NLGN1: variants seen among roughly 807,000 people sequenced by gnomAD.
NLGN1 encodes neuroligin-1.
Under a neutral mutation model 65.5 loss-of-function variants are expected in NLGN1, and 12 were observed. The ratio of observed to expected loss-of-function variants is 0.18; its 90% CI spans 0.12 to 0.30. The LOEUF (loss-of-function observed/expected upper bound fraction) is 0.30. Among genes scored for constraint, NLGN1 ranks in the 10% least tolerant of loss-of-function variants. NLGN1 has a pLI of 1.00. For missense variants in NLGN1, 750 were observed against 1,007.1 expected, an observed-to-expected ratio of 0.74 and a Z score of 3.46; for synonymous variants, 350 against 359.5, an observed-to-expected ratio of 0.97 and a Z score of 0.30.
intron 4 of NLGN1, among the ~76,000 whole-genome samples, chr3:173,823,362 T>C (rs952290870): frequency 7.2e-5 from 11 of 152,220 alleles, no homozygotes; most frequent in East Asian, 3.9e-4. Context: ...TAGTTTTAAA[T>C]CTTTATTTCG....
chr3:173,487,171 G>C (rs910849737), intron 2 of NLGN1, among the ~76,000 whole-genome samples: 1 of 151,890 alleles, frequency 6.6e-6, no homozygotes, highest in Non-Finnish European at 1.5e-5. Context: ...ACTCCTCTAA[G>C]TACTGCTGTA....
At chr3:173,724,746 C>A (rs144196860) in intron 3 of NLGN1, among the ~76,000 whole-genome samples, 1 of 152,058 alleles carries the variant, frequency 6.6e-6, no homozygotes, top group Admixed American at 6.5e-5. Flanking sequence ...ATGTTTATTG[C>A]GGCACTATTC....
chr3:174,042,781 T>A (rs1732645057), intron 4 of NLGN1, among the ~76,000 whole-genome samples: 1 of 152,196 alleles, frequency 6.6e-6, no homozygotes, highest in African/African-American at 2.4e-5. Context: ...AGTGGTAGAA[T>A]GTGTCAAAGC....
chr3:173,907,107 A>C (rs114505555), intron 4 of NLGN1, among the ~76,000 whole-genome samples: 1,846 of 152,242 alleles, frequency 0.012, 56 homozygotes, highest in African/African-American at 0.042. Flanking sequence ...GTGACATGAA[A>C]TATCCACATC....
intron 3 of NLGN1, among the ~76,000 whole-genome samples, chr3:173,781,001 A>G (rs1304991643): frequency 6.6e-5 from 10 of 151,734 alleles, no homozygotes; most frequent in Non-Finnish European, 1.0e-4. Context: ...AAAATTAGCC[A>G]GGCGTGGTGG....
At chr3:173,604,638 A>G in exon 3 of NLGN1, 1 of 1,613,612 alleles carries the variant, frequency 6.2e-7, no homozygotes, top group Non-Finnish European at 8.5e-7. Context: ...TTATGTTTGG[A>G]GAGCAGTGAT....
At chr3:173,812,779 G>A (rs981953640) in intron 4 of NLGN1, among the ~76,000 whole-genome samples, 1 of 145,752 alleles carries the variant, frequency 6.9e-6, no homozygotes, top group Non-Finnish European at 1.5e-5. Flanking sequence ...ATATGTGTGT[G>A]TATATATATA....
chr3:173,793,342 G>T (rs918539042), intron 3 of NLGN1, among the ~76,000 whole-genome samples: 3 of 152,000 alleles, frequency 2.0e-5, no homozygotes, highest in Non-Finnish European at 4.4e-5. Context: ...AGCAAAGGAA[G>T]GAAGAGGGAA....
chr3:174,085,657 G>A (rs1282820764), intron 4 of NLGN1, among the ~76,000 whole-genome samples: 1 of 151,816 alleles, frequency 6.6e-6, no homozygotes, highest in Non-Finnish European at 1.5e-5. Flanking sequence ...AGTAAGAAAG[G>A]CTACCCTTAG....
chr3:174,054,762 G>T (rs1172198316), intron 4 of NLGN1, among the ~76,000 whole-genome samples: 3 of 151,990 alleles, frequency 2.0e-5, no homozygotes, highest in Non-Finnish European at 4.4e-5. Flanking sequence ...TTGTAACAGT[G>T]TCCACTTTCC....
intron 4 of NLGN1, among the ~76,000 whole-genome samples, chr3:174,246,054 T>A (rs550765135): frequency 1.3e-5 from 2 of 152,312 alleles, no homozygotes; most frequent in Admixed American, 1.3e-4. Context: ...TCATTCAATA[T>A]AATTTAGCAT....
At chr3:173,921,405 A>G (rs1445941445) in intron 4 of NLGN1, among the ~76,000 whole-genome samples, 1 of 150,924 alleles carries the variant, frequency 6.6e-6, no homozygotes, top group Non-Finnish European at 1.5e-5. Context: ...TTCAGTTCAT[A>G]CAAGGAATGC....
At chr3:173,782,661 G>A (rs1781349365) in intron 3 of NLGN1, among the ~76,000 whole-genome samples, 2 of 151,266 alleles carry the variant, frequency 1.3e-5, no homozygotes, top group Admixed American at 1.3e-4. Context: ...TGTGTGGCCA[G>A]GCAAATTTTA....
At chr3:173,961,668 G>A (rs1713596571) in intron 4 of NLGN1, among the ~76,000 whole-genome samples, 1 of 151,932 alleles carries the variant, frequency 6.6e-6, no homozygotes, top group African/African-American at 2.4e-5. Flanking sequence ...GAAGACTCAG[G>A]GTACCTCAAA....
At chr3:173,837,005 TGTGTTATGAAAATCATCTAA>T (rs1723747166) in intron 4 of NLGN1, among the ~76,000 whole-genome samples, 1 of 152,132 alleles carries the variant, frequency 6.6e-6, no homozygotes, top group South Asian at 2.1e-4. Flanking sequence ...CACTATAATA[TGTGTTATGAAAATCATCTAA>T]GTATATTTAC....
intron 4 of NLGN1, among the ~76,000 whole-genome samples, chr3:173,853,900 A>T (rs1315971720): frequency 6.6e-6 from 1 of 151,876 alleles, no homozygotes; most frequent in Admixed American, 6.6e-5. Flanking sequence ...TTTATAAATT[A>T]TTTATTAAAT....
chr3:173,568,125 T>C (rs548504845), intron 2 of NLGN1, among the ~76,000 whole-genome samples: 15 of 152,112 alleles, frequency 9.9e-5, no homozygotes, highest in South Asian at 8.3e-4. Flanking sequence ...TCTTGTACAA[T>C]AGATTTCCTT....
At chr3:173,995,123 T>A (rs879648484) in intron 4 of NLGN1, among the ~76,000 whole-genome samples, 4 of 152,220 alleles carry the variant, frequency 2.6e-5, no homozygotes, top group Admixed American at 6.5e-5. Flanking sequence ...TTTGCTTGCA[T>A]ATGAGAGAAA....
At chr3:173,430,681 A>G (rs573254477) in intron 1 of NLGN1, among the ~76,000 whole-genome samples, 13 of 152,350 alleles carry the variant, frequency 8.5e-5, no homozygotes, top group Admixed American at 6.5e-4. Flanking sequence ...TATGAGGGAT[A>G]TGCCCTCATG....
Sources: gnomAD v4.1 joint callset for allele counts (sites outside exome capture counted in the v4.1 genomes callset) on GRCh38, gnomAD v4.1.1 for gene constraint, MANE v1.5 for transcripts, NCBI Gene and HGNC (gene_info 2026-07-23, HGNC 2026-07-21) for gene names.